The following KCNN2 variants were observed in gnomAD, a reference collection of about 807,000 sequenced individuals.
KCNN2 encodes small conductance calcium-activated potassium channel protein 2.
A neutral mutation model predicts 55.5 loss-of-function variants in KCNN2; 24 were observed. The observed-to-expected ratio is 0.43, with a 90% CI of 0.31 to 0.61. The LOEUF (loss-of-function observed/expected upper bound fraction) is 0.61, where lower values mean the gene tolerates loss of function less well. Among genes scored for constraint, KCNN2 ranks in the 20% least tolerant of loss-of-function variants. The pLI, the probability that KCNN2 is intolerant of heterozygous loss-of-function variation, is 0.08. For missense variants in KCNN2, 754 were observed against 853.6 expected (o/e 0.88, Z 1.45); for synonymous variants, 431 against 336.1 (o/e 1.28, Z -3.09).
chr5:114,471,890 T>C (rs1464380767), intron 4 of KCNN2, among the ~76,000 whole-genome samples: 1 of 152,220 alleles, frequency 6.6e-6, no homozygotes, highest in Admixed American at 6.5e-5. Context: ...GCCAGATTTG[T>C]TGCAGCAACT....
intron 1 of KCNN2, among the ~76,000 whole-genome samples, chr5:114,166,323 TACACAGTAG>T (rs1752910473): frequency 6.6e-6 from 1 of 152,174 alleles, no homozygotes; most frequent in African/African-American, 2.4e-5. Flanking sequence ...TGGACAAAGT[TACACAGTAG>T]AGCAAATGTT....
intron 2 of KCNN2, among the ~76,000 whole-genome samples, chr5:114,240,593 G>C (rs375223934): frequency 6.6e-6 from 1 of 151,828 alleles, no homozygotes; most frequent in African/African-American, 2.4e-5. Flanking sequence ...CACCATGCCC[G>C]TCTAATTTTT....
At chr5:114,465,560 C>T (rs1477896899) in intron 4 of KCNN2, among the ~76,000 whole-genome samples, 1 of 150,780 alleles carries the variant, frequency 6.6e-6, no homozygotes. Context: ...TGCAGTGAGC[C>T]GAGATTGCGC....
Position 114,362,968 on chromosome 5 carries a change from G to A in KCNN2, c.829G>A (p.Glu277Lys), listed in dbSNP as rs1480601957. 2 of 1,589,018 alleles carry A rather than the reference G, an allele frequency of 1.3e-6. No individual in the cohort carries two copies. The highest frequency in any genetic ancestry group is 1.3e-5 in the African/African-American group (1 of 74,558). Residue 277 changes from glutamate (E) to lysine (K), a missense_variant, in exon 1 of 8, where the codon GAG becomes AAG. Glu to Lys is a moderately conservative substitution (Grantham distance 56, BLOSUM62 1). This residue lies in a region of KCNN2 where 381 missense variants were observed against 259.1 expected (regional missense o/e 1.47). Coordinates refer to ENST00000673685, the MANE Select transcript of KCNN2 (RefSeq NM_021614.4). ...CGCCGCTGTTTCGTCCTCAGCCCCC[G>A]AGATCGTGGTGTCTAAGCCCGAGCA... ...AAAAVSSSAP[E>K]IVVSKPEHNN...
intron 2 of KCNN2, among the ~76,000 whole-genome samples, chr5:114,268,924 C>T (rs548537019): frequency 1.3e-5 from 2 of 151,888 alleles, no homozygotes; most frequent in African/African-American, 4.8e-5. Flanking sequence ...TCAGGTCTCC[C>T]AGCCATCTGT....
At chr5:114,309,961 C>A (rs1756363734) in intron 2 of KCNN2, among the ~76,000 whole-genome samples, 1 of 152,192 alleles carries the variant, frequency 6.6e-6, no homozygotes, top group South Asian at 2.1e-4. Context: ...CTTCAGGTTT[C>A]AACCCAAATG....
intron 3 of KCNN2, among the ~76,000 whole-genome samples, chr5:114,409,228 T>C (rs1759042627): frequency 6.6e-6 from 1 of 152,262 alleles, no homozygotes; most frequent in Non-Finnish European, 1.5e-5. Context: ...AAAAAAATTA[T>C]TAACCAGCAT....
At chr5:114,478,285 C>A (rs1762061120) in intron 5 of KCNN2, among the ~76,000 whole-genome samples, 1 of 152,030 alleles carries the variant, frequency 6.6e-6, no homozygotes, top group Admixed American at 6.6e-5. Flanking sequence ...TCCAAAATAG[C>A]CTTTTAAACT....
chr5:114,205,228 AT>A (rs1461132496), intron 1 of KCNN2, among the ~76,000 whole-genome samples: 2 of 152,236 alleles, frequency 1.3e-5, no homozygotes, highest in African/African-American at 2.4e-5. Context: ...GTTCCATCTT[AT>A]AAAAAATATT....
chr5:114,208,556 T>G (rs927689033), intron 1 of KCNN2, among the ~76,000 whole-genome samples: 2 of 152,182 alleles, frequency 1.3e-5, no homozygotes, highest in African/African-American at 4.8e-5. Flanking sequence ...AGGCTGTGCA[T>G]TAGGATAACC....
chr5:114,221,343 T>C (rs1041795201), intron 1 of KCNN2, among the ~76,000 whole-genome samples: 2 of 152,140 alleles, frequency 1.3e-5, no homozygotes, highest in African/African-American at 4.8e-5. Flanking sequence ...TGACAATATA[T>C]GCTAGGAGGT....
chr5:114,089,383 C>A (rs932974959), intron 1 of KCNN2, among the ~76,000 whole-genome samples: 1 of 152,124 alleles, frequency 6.6e-6, no homozygotes, highest in Non-Finnish European at 1.5e-5. Context: ...TTGAGTGTGA[C>A]GTCTTCAATC....
chr5:114,201,796 G>A (rs557506455), intron 1 of KCNN2, among the ~76,000 whole-genome samples: 42 of 151,868 alleles, frequency 2.8e-4, no homozygotes, highest in African/African-American at 9.4e-4. Flanking sequence ...ATGGCTGTGG[G>A]TCTTGTCCTA....
At chr5:114,157,327 A>G (rs1752657393) in intron 1 of KCNN2, among the ~76,000 whole-genome samples, 1 of 152,084 alleles carries the variant, frequency 6.6e-6, no homozygotes, top group African/African-American at 2.4e-5. Flanking sequence ...CCTACAAAGG[A>G]CATGAACTCA....
chr5:114,492,668 A>T (rs561402137), intron 6 of KCNN2, among the ~76,000 whole-genome samples: 8 of 152,282 alleles, frequency 5.3e-5, no homozygotes, highest in African/African-American at 1.9e-4. Flanking sequence ...GATATTTAAC[A>T]GTAGCTAAAC....
chr5:114,073,772 A>AT (rs761574868), intron 1 of KCNN2, among the ~76,000 whole-genome samples: 47 of 152,356 alleles, frequency 3.1e-4, no homozygotes, highest in Non-Finnish European at 5.9e-4. Context: ...ATGTTCAATA[A>AT]TTTTTGAAGT....
chr5:114,421,535 C>T (rs1759471455), intron 3 of KCNN2, among the ~76,000 whole-genome samples: 1 of 151,836 alleles, frequency 6.6e-6, no homozygotes. Flanking sequence ...AGGTGATCTA[C>T]CTGCCTAATT....
At chr5:114,079,151 A>G (rs1029941912) in intron 1 of KCNN2, among the ~76,000 whole-genome samples, 18 of 152,200 alleles carry the variant, frequency 1.2e-4, no homozygotes, top group Non-Finnish European at 4.4e-5. Flanking sequence ...GGGTAAAATC[A>G]AGGAAATTTT....
intron 1 of KCNN2, among the ~76,000 whole-genome samples, chr5:114,061,149 G>A (rs778703320): frequency 2.6e-5 from 4 of 152,188 alleles, no homozygotes; most frequent in Non-Finnish European, 4.4e-5. Flanking sequence ...TGGGGATGCA[G>A]TGATGACTAA....
Sources: allele counts gnomAD v4.1 joint callset (sites outside exome capture counted in the v4.1 genomes callset), GRCh38; gene constraint gnomAD v4.1.1; regional missense constraint gnomAD v4.1.1; transcripts MANE v1.5; gene names NCBI Gene and HGNC (gene_info 2026-07-23, HGNC 2026-07-21).